The following PRKCZ variants were observed in gnomAD, a reference collection of about 807,000 sequenced individuals.
PRKCZ encodes protein kinase C zeta, also known as protein kinase C zeta type.
Under a neutral mutation model 79.5 loss-of-function variants are expected in PRKCZ, and 33 were observed. That is an observed-to-expected ratio of 0.41 (90% CI 0.31 to 0.55). The LOEUF (loss-of-function observed/expected upper bound fraction) is 0.55, where lower values mean the gene tolerates loss of function less well. Among genes scored for constraint, PRKCZ ranks in the 20% least tolerant of loss-of-function variants. PRKCZ has a pLI of 0.19. For missense variants in PRKCZ, 578 were observed against 813.5 expected, an observed-to-expected ratio of 0.71 and a Z score of 3.52; for synonymous variants, 342 against 320.9, an observed-to-expected ratio of 1.07 and a Z score of -0.70.
intron 4 of PRKCZ, chr1:2,074,139 C>T: frequency 1.9e-6 from 3 of 1,540,470 alleles, no homozygotes; most frequent in African/African-American, 1.4e-5. Flanking sequence ...TGCAGCAGCT[C>T]CCAGCAATGT....
At chr1:2,090,745 G>C (rs1665354980) in intron 4 of PRKCZ, among the ~76,000 whole-genome samples, 1 of 152,276 alleles carries the variant, frequency 6.6e-6, no homozygotes, top group Non-Finnish European at 1.5e-5. Context: ...GTCTCGGAGA[G>C]AGCCAGTGCA....
At chr1:2,167,174 G>T (rs922790029) in intron 10 of PRKCZ, among the ~76,000 whole-genome samples, 1 of 152,218 alleles carries the variant, frequency 6.6e-6, no homozygotes. Context: ...TCCTCAGCAA[G>T]CTGCCTGGGT....
At chr1:2,180,562 GTGGACGCACAGATGACC>G (rs1278078186) in intron 16 of PRKCZ, among the ~76,000 whole-genome samples, 5 of 151,216 alleles carry the variant, frequency 3.3e-5, no homozygotes, top group African/African-American at 7.3e-5. Context: ...CATGGACGAC[GTGGACGCACAGATGACC>G]TGGACGCACG....
In PRKCZ at chr1:2,144,261, G is replaced by C; in HGVS notation, c.472G>C (p.Gly158Arg). ...GAGGATATGGGGCCTCGCGAGGCAA[G>C]GCTACAGGTGCATCAACTGCAAACT... ...SERIWGLARQ[G>R]YRCINCKLLV... The change falls in exon 6 of 18, where the codon GGC (glycine) becomes CGC (arginine). Residue 158 changes from glycine to arginine, a missense_variant. Gly to Arg is a moderately radical substitution (Grantham distance 125). Around this residue, in one of 4 missense-constraint regions of PRKCZ, gnomAD observed 16 missense variants for 37.4 expected, o/e 0.43. Coordinates refer to ENST00000378567, the MANE Select transcript of PRKCZ (RefSeq NM_002744.6). 1 of 1,559,128 alleles carries C rather than the reference G, an allele frequency of 6.4e-7. No homozygotes were observed. The highest frequency in any genetic ancestry group is 8.7e-7 in the Non-Finnish European group (1 of 1,150,468).
chr1:2,150,651 C>T (rs1005930555), intron 8 of PRKCZ, 139 bp from the exon 9 acceptor site: 15 of 829,948 alleles, frequency 1.8e-5, no homozygotes, highest in African/African-American at 1.7e-4. Flanking sequence ...ATATGTGGGA[C>T]GCAGAACTGA....
intron 9 of PRKCZ, among the ~76,000 whole-genome samples, chr1:2,152,088 C>A (rs564458733): frequency 2.0e-5 from 3 of 152,134 alleles, no homozygotes; most frequent in Non-Finnish European, 2.9e-5. Context: ...TGCGCTCATG[C>A]ACTCTGCCCG....
intron 4 of PRKCZ, among the ~76,000 whole-genome samples, chr1:2,111,489 CAA>C (rs1299828029): frequency 3.3e-5 from 5 of 151,730 alleles, no homozygotes; most frequent in African/African-American, 1.2e-4. Context: ...TGTCAGGACT[CAA>C]GAGGCGGACA....
chr1:2,062,457 A>T (rs895882657), intron 4 of PRKCZ, among the ~76,000 whole-genome samples: 2 of 149,768 alleles, frequency 1.3e-5, no homozygotes, highest in Non-Finnish European at 3.0e-5. Context: ...TAAAATGCAC[A>T]TAACATCTAT....
rs868287631 is a variant in PRKCZ at position 2,169,277 on chromosome 1, A to G, written c.975-241A>G. On this transcript the variant is annotated intron_variant, in intron 10 of 17. Transcript: ENST00000378567. The stretch of plus-strand genomic sequence containing the variant: ...TTCCCAAGTCCACACACAGTGGCCA[A>G]GAGTGAAGGCCGGCGAGGCCCCCGC... 3.3e-5 allele frequency: 18 copies of G among 548,242 alleles called. No individual in the cohort carries two copies. The Middle Eastern group carries it at 1.1e-3, about 34-fold the overall frequency. The allele number at this position is 548,242 out of a possible 1,614,324, so 34.0% of individuals were successfully genotyped here. A position where few individuals can be genotyped will look rare whatever the true frequency, so the allele number is the denominator to read the frequency against.
intron 4 of PRKCZ, among the ~76,000 whole-genome samples, chr1:2,118,713 C>CTGTG (rs770283606): frequency 0.14 from 16,961 of 120,418 alleles, 1,338 homozygotes; most frequent in South Asian, 0.18. Flanking sequence ...CACACCAGCT[C>CTGTG]TGTGTGTGTG....
chr1:2,096,519 C>T (rs1017712273), intron 4 of PRKCZ, among the ~76,000 whole-genome samples: 30 of 152,288 alleles, frequency 2.0e-4, no homozygotes, highest in South Asian at 8.3e-4. Flanking sequence ...CAGCGCCAAG[C>T]GTGTCCTCGG....
chr1:2,094,594 G>T lies in PRKCZ; in HGVS notation c.334+35003G>T, dbSNP rs1466806772. 2.5e-5 allele frequency among the ~76,000 whole-genome samples: 2 copies of T among 80,982 alleles called. No individual in the cohort carries two copies. Among genetic ancestry groups the T allele is most frequent in the African/African-American group, 8.4e-5 (1 of 11,872 alleles). 53.1% of individuals were successfully genotyped at this position (80,982 alleles called of 152,430 possible). A position where few individuals can be genotyped will look rare whatever the true frequency, so the allele number is the denominator to read the frequency against. On this transcript the variant is annotated intron_variant, in intron 4 of 17. Coordinates refer to ENST00000378567, the MANE Select transcript of PRKCZ (RefSeq NM_002744.6). This position sits in a 1 kb window ranked among gnomAD's most constrained non-coding sequence, Gnocchi z 7.3. ...GGGCGCTGCCCGTTCTGAGGCGCCC[G>T]CTGTGCCCGGCTCGATGAACCTTGG...
rs547452643 is a variant in PRKCZ at position 2,070,391 on chromosome 1, G to A, written c.334+10800G>A. On this transcript the variant is annotated intron_variant, in intron 4 of 17. Coordinates refer to ENST00000378567, the MANE Select transcript of PRKCZ (RefSeq NM_002744.6). ...GGCCCCAGGCAGCTGGGACCCTCCC[G>A]AGCCTCACCCCTTGGGTCTGGTGGG... Among the ~76,000 whole-genome samples the A allele has an allele frequency of 2.4e-4, 36 of 152,284 alleles. No individual in the cohort carries two copies. The East Asian group carries it at 6.0e-3, about 25-fold the overall frequency.
At chr1:2,074,087 C>T (rs2102321818) in intron 4 of PRKCZ, 2 of 1,493,112 alleles carry the variant, frequency 1.3e-6, no homozygotes, top group Non-Finnish European at 1.8e-6. Flanking sequence ...ATGCTCCGGG[C>T]AGCAACACGG....
At chr1:2,062,671 A>G (rs28828480) in intron 4 of PRKCZ, among the ~76,000 whole-genome samples, 4,922 of 151,446 alleles carry the variant, frequency 0.033, 126 homozygotes, top group Middle Eastern at 0.13. Flanking sequence ...TTCTTTTTGT[A>G]GAGTTGGGGT....
upstream of PRKCZ, among the ~76,000 whole-genome samples, chr1:2,048,760 T>C (rs2102171125): frequency 6.6e-6 from 1 of 152,206 alleles, no homozygotes; most frequent in African/African-American, 2.4e-5. Context: ...CTCCACAGTT[T>C]TAAAAGCTGC....
intron 10 of PRKCZ, among the ~76,000 whole-genome samples, chr1:2,166,252 C>T (rs1683295508): frequency 6.6e-6 from 1 of 152,142 alleles, no homozygotes; most frequent in Non-Finnish European, 1.5e-5. Flanking sequence ...GACCCTTTCT[C>T]TACAAAAAAT....
intron 1 of PRKCZ, among the ~76,000 whole-genome samples, chr1:2,053,521 C>G (rs1032561040): frequency 6.6e-6 from 1 of 152,186 alleles, no homozygotes; most frequent in Non-Finnish European, 1.5e-5. Flanking sequence ...GTGCTGAGTC[C>G]TGGACGCCCC....
In PRKCZ at chr1:2,165,719, C is replaced by T. The variant is rs761094158; in HGVS notation, c.975-3799C>T. 3.9e-5 allele frequency among the ~76,000 whole-genome samples: 6 copies of T among 152,178 alleles called. No homozygotes were observed. The highest frequency in any genetic ancestry group is 1.2e-4 in the African/African-American group (5 of 41,450). On this transcript the variant is annotated intron_variant, in intron 10 of 17. Coordinates refer to ENST00000378567, the MANE Select transcript of PRKCZ (RefSeq NM_002744.6). The surrounding 1 kb of genome is among the most constrained non-coding windows in gnomAD (Gnocchi z 4.1). ...TGTACACACATGGTGGTGGCCCGCC[C>T]GGACCCATCTGGTTAATTCTTGACT...
Sources: gnomAD v4.1 joint callset for allele counts (sites outside exome capture counted in the v4.1 genomes callset) on GRCh38, gnomAD v4.1.1 for gene constraint, gnomAD v4.1.1 regional missense constraint, Gnocchi (gnomAD v3.1) non-coding constraint, MANE v1.5 for transcripts, NCBI Gene and HGNC (gene_info 2026-07-23, HGNC 2026-07-21) for gene names.